Variants in TUBB3 observed in about 807,000 individuals in gnomAD.
TUBB3 encodes tubulin beta-3 chain.
TUBB3 carries 17 observed loss-of-function variants against 37.8 expected under a neutral mutation model. That is an observed-to-expected ratio of 0.45 (90% CI 0.31 to 0.67). The LOEUF is 0.67. Ranked by LOEUF, TUBB3 falls within the 30% of genes least tolerant of loss-of-function variation. The probability of loss-of-function intolerance (pLI) is 0.07; values close to 1 mark genes in which losing one functional copy is unlikely to be tolerated. For missense variants in TUBB3, 262 were observed against 657.9 expected, an observed-to-expected ratio of 0.40 and a Z score of 6.58; for synonymous variants, 332 against 278.9, an observed-to-expected ratio of 1.19 and a Z score of -1.90.
At position 89,934,985 on chromosome 16, in the gene TUBB3, G is replaced by A. The variant is rs143029958; in HGVS notation, c.534G>A (p.Thr178=). The part of the protein sequence containing the change: ...SVVPSPKVSD[T]VVEPYNATLS... ...TGCCCTCACCCAAGGTGTCAGACAC[G>A]GTGGTGGAGCCCTACAACGCCACGC... The change falls in exon 4 of 4, where the codon ACG becomes ACA. Residue 178 remains threonine (T), a synonymous_variant. Transcript: ENST00000315491. 53 of 1,614,012 alleles carry A rather than the reference G, an allele frequency of 3.3e-5. No homozygotes were observed. Among genetic ancestry groups the A allele is most frequent in the South Asian group, 1.6e-4 (15 of 91,086 alleles).
intron 1 of TUBB3, among the ~76,000 whole-genome samples, chr16:89,930,902 A>G (rs1427640528): frequency 6.7e-6 from 1 of 149,654 alleles, no homozygotes; most frequent in African/African-American, 2.5e-5. Context: ...ATCTCAGCTC[A>G]CTGCAAGCTC....
At chr16:89,933,602 C>G in intron 3 of TUBB3, 24 bp downstream of exon 3, 2 of 1,586,590 alleles carry the variant, frequency 1.3e-6, no homozygotes, top group Non-Finnish European at 1.7e-6. Context: ...GCTCCAAGCT[C>G]TGATGGCAGA....
At chr16:89,933,927 G>A in intron 3 of TUBB3, 1 of 618,632 alleles carries the variant, frequency 1.6e-6, no homozygotes, top group Non-Finnish European at 2.9e-6. Flanking sequence ...TCCCATGCCT[G>A]TGTCCTGGGG....
intron 1 of TUBB3, among the ~76,000 whole-genome samples, chr16:89,928,557 A>G (rs546671172): frequency 3.6e-5 from 5 of 139,140 alleles, no homozygotes; most frequent in Non-Finnish European, 7.7e-5. Flanking sequence ...CGGAGTCTCT[A>G]TCTGTTGCCC....
intron 1 of TUBB3, among the ~76,000 whole-genome samples, chr16:89,925,830 C>G (rs12596146): frequency 0.2 from 30,612 of 152,160 alleles, 3,799 homozygotes; most frequent in African/African-American, 0.35. Context: ...GGCCCGTGCA[C>G]TCTGGGCAGA....
At chr16:89,930,673 A>G (rs540687540) in intron 1 of TUBB3, among the ~76,000 whole-genome samples, 5 of 152,098 alleles carry the variant, frequency 3.3e-5, no homozygotes, top group African/African-American at 9.6e-5. Context: ...TGTTGGTATT[A>G]CAGGCGTGAG....
intron 1 of TUBB3, among the ~76,000 whole-genome samples, chr16:89,925,938 C>T (rs2030060851): frequency 6.6e-6 from 1 of 152,240 alleles, no homozygotes; most frequent in African/African-American, 2.4e-5. Context: ...GCGCTGGGAG[C>T]CGAGCCCCCG....
intron 1 of TUBB3, among the ~76,000 whole-genome samples, chr16:89,928,503 C>T (rs1223264161): frequency 2.0e-5 from 3 of 149,590 alleles, no homozygotes; most frequent in African/African-American, 7.4e-5. Flanking sequence ...GGATTACAGG[C>T]ACCCGTCACC....
chr16:89,930,208 A>C (rs1030637685), intron 1 of TUBB3, among the ~76,000 whole-genome samples: 1 of 146,262 alleles, frequency 6.8e-6, no homozygotes, highest in East Asian at 2.1e-4. Context: ...GGGTTCAAGC[A>C]ATTCTCCTGC....
intron 1 of TUBB3, among the ~76,000 whole-genome samples, chr16:89,927,959 C>G (rs565134541): frequency 1.3e-5 from 2 of 152,338 alleles, no homozygotes; most frequent in South Asian, 4.1e-4. Flanking sequence ...GTCCCCGACT[C>G]AAGTGGACTG....
At chr16:89,926,266 C>A (rs1597419575) in intron 1 of TUBB3, among the ~76,000 whole-genome samples, 1 of 152,112 alleles carries the variant, frequency 6.6e-6, no homozygotes. Flanking sequence ...CGGGGCGGGG[C>A]TGGGGGCGGG....
intron 1 of TUBB3, among the ~76,000 whole-genome samples, chr16:89,929,239 A>G (rs1719710075): frequency 6.6e-6 from 1 of 152,244 alleles, no homozygotes; most frequent in African/African-American, 2.4e-5. Flanking sequence ...CTGGGATTAT[A>G]GGCATGAGCC....
rs947343835 is a variant in TUBB3 at position 89,924,407 on chromosome 16, T to G, written c.57+949T>G. 7.3e-5 allele frequency among the ~76,000 whole-genome samples: 11 copies of G among 150,850 alleles called. No individual in the cohort carries two copies. The East Asian group carries it at 2.0e-3, about 27-fold the overall frequency. On this transcript the variant is annotated intron_variant, in intron 1 of 3. Coordinates refer to ENST00000315491, the MANE Select transcript of TUBB3 (RefSeq NM_006086.4). ...CAACCTGGGGCTCGGGCGGGGCGGG[T>G]TGGGGGCGCTGCTTGCCAAAGGATC...
chr16:89,925,226 C>A (rs144304693), intron 1 of TUBB3, among the ~76,000 whole-genome samples: 47 of 152,254 alleles, frequency 3.1e-4, no homozygotes, highest in African/African-American at 1.1e-3. Context: ...CACTGGAGCT[C>A]TTAGTTTGCC....
At chr16:89,924,651 C>T (rs1567760785) in intron 1 of TUBB3, among the ~76,000 whole-genome samples, 2 of 152,038 alleles carry the variant, frequency 1.3e-5, no homozygotes, top group Admixed American at 1.3e-4. Flanking sequence ...ACAACAGGGC[C>T]AGCCACGTGG....
intron 1 of TUBB3, among the ~76,000 whole-genome samples, chr16:89,926,925 C>T (rs1237473106): frequency 6.6e-6 from 1 of 152,016 alleles, no homozygotes; most frequent in Non-Finnish European, 1.5e-5. Flanking sequence ...CCATCTTGGT[C>T]AGGCTGGTCT....
chr16:89,924,760 G>C (rs1426755282), intron 1 of TUBB3, among the ~76,000 whole-genome samples: 1 of 152,150 alleles, frequency 6.6e-6, no homozygotes, highest in African/African-American at 2.4e-5. Flanking sequence ...AGACAGCTGT[G>C]CCTGCCAAGG....
intron 2 of TUBB3, 200 bp from the exon 3 acceptor site, chr16:89,933,268 C>T: frequency 1.4e-6 from 1 of 709,256 alleles, no homozygotes; most frequent in Non-Finnish European, 2.6e-6. Context: ...CCGTCCTGTC[C>T]TGCTCCGTCC....
At chr16:89,928,960 C>T (rs945114598) in intron 1 of TUBB3, among the ~76,000 whole-genome samples, 4 of 148,432 alleles carry the variant, frequency 2.7e-5, no homozygotes, top group African/African-American at 7.3e-5. Flanking sequence ...CCGCGCCCGG[C>T]CTTTTTTTTT....
Sources: allele counts gnomAD v4.1 joint callset (sites outside exome capture counted in the v4.1 genomes callset), GRCh38; gene constraint gnomAD v4.1.1; transcripts MANE v1.5; gene names NCBI Gene and HGNC (gene_info 2026-07-23, HGNC 2026-07-21).